Variants in HHIPL2 observed in about 807,000 individuals in gnomAD.
HHIPL2 encodes HHIP-like protein 2.
Under a neutral mutation model 61.0 loss-of-function variants are expected in HHIPL2, and 61 were observed. The ratio of observed to expected loss-of-function variants is 1.00; its 90% CI spans 0.81 to 1.24. The LOEUF (loss-of-function observed/expected upper bound fraction) is 1.24. Among genes scored for constraint, HHIPL2 ranks in the 50% most tolerant of loss-of-function variants. HHIPL2 has a pLI of 0.00. For synonymous variants in HHIPL2, 343 were observed against 357.4 expected, an observed-to-expected ratio of 0.96 and a Z score of 0.45; for missense variants, 885 against 910.2, an observed-to-expected ratio of 0.97 and a Z score of 0.36.
intron 5 of HHIPL2, among the ~76,000 whole-genome samples, chr1:222,533,248 C>T (rs944907087): frequency 1.8e-4 from 27 of 151,932 alleles, no homozygotes; most frequent in African/African-American, 6.3e-4. Context: ...GCCTGTAGTT[C>T]CAGCTGCTTG....
Position 222,522,714 on chromosome 1 carries a change from C to T in HHIPL2, c.2062G>A (p.Ala688Thr), listed in dbSNP as rs774049301. The change falls in exon 9 of 9, where the codon GCC becomes ACC. Residue 688 changes from alanine to threonine, a missense_variant. Ala to Thr is a moderately conservative substitution (Grantham distance 58). Coordinates refer to ENST00000343410, the MANE Select transcript of HHIPL2 (RefSeq NM_024746.4). ...TLRGPGTKKK[A>T]RVGPHVRQGK... ...TGGCGGACGTGGGGCCCCACTCTGG[C>T]TTTCTTCTTTGTACCAGGCCCTCGC... is the stretch of plus-strand genomic sequence containing the variant. The T allele has an allele frequency of 4.3e-6, 7 of 1,614,152 alleles. No individual in the cohort carries two copies. The highest frequency in any genetic ancestry group is 5.9e-6 in the Non-Finnish European group (7 of 1,180,026).
chr1:222,540,914 A>G (rs1468735648), intron 3 of HHIPL2, among the ~76,000 whole-genome samples: 1 of 152,198 alleles, frequency 6.6e-6, no homozygotes, highest in Non-Finnish European at 1.5e-5. Context: ...GGATCTAATG[A>G]ACACATGATA....
intron 6 of HHIPL2, among the ~76,000 whole-genome samples, chr1:222,527,569 T>C (rs968575342): frequency 3.9e-5 from 6 of 152,122 alleles, no homozygotes; most frequent in Non-Finnish European, 5.9e-5. Context: ...CCATTTCTCC[T>C]CTCGGTCTTT....
chr1:222,534,144 T>A (rs1659249179), intron 5 of HHIPL2, among the ~76,000 whole-genome samples: 1 of 152,186 alleles, frequency 6.6e-6, no homozygotes. Flanking sequence ...TAGCAAGACC[T>A]GAAAGAATCA....
At chr1:222,526,693 G>A (rs973790923) in intron 7 of HHIPL2, among the ~76,000 whole-genome samples, 6 of 101,546 alleles carry the variant, frequency 5.9e-5, no homozygotes, top group Non-Finnish European at 1.1e-4. Flanking sequence ...CAACAAGAGT[G>A]AAACTCCATC....
intron 4 of HHIPL2, among the ~76,000 whole-genome samples, chr1:222,539,527 TA>T (rs10537670): frequency 1.7e-3 from 141 of 85,158 alleles, no homozygotes; most frequent in Non-Finnish European, 2.5e-3. Flanking sequence ...AGACTCTGTC[TA>T]AAAAAAAAAA....
intron 6 of HHIPL2, among the ~76,000 whole-genome samples, chr1:222,529,235 T>C (rs1174517099): frequency 6.6e-6 from 1 of 152,198 alleles, no homozygotes; most frequent in African/African-American, 2.4e-5. Flanking sequence ...TAACAAACTA[T>C]GATTTGTGTA....
At position 222,542,153 on chromosome 1, in the gene HHIPL2, A is replaced by G; in HGVS notation, c.977T>C (p.Val326Ala). Residue 326 changes from valine to alanine, a missense_variant and splice_region_variant, in exon 3 of 9, where the codon GTC becomes GCC. Physicochemically the swap from Val to Ala is moderately conservative, Grantham distance 64 (BLOSUM62 0). Transcript: ENST00000343410. ...GGCTGGTTCTTCAATCTCCAAGATG[A>G]CCCTGGAAGAGAAAAAAGAAACCAC... is the stretch of plus-strand genomic sequence containing the variant. ...PNKADLKSER[V>A]ILEIEEPASN... The G allele has an allele frequency of 6.2e-7, 1 of 1,612,164 alleles. No homozygotes were observed. The highest frequency in any genetic ancestry group is 1.1e-5 in the South Asian group (1 of 90,606).
chr1:222,545,375 C>T (rs998900579), intron 1 of HHIPL2, among the ~76,000 whole-genome samples: 4 of 152,152 alleles, frequency 2.6e-5, no homozygotes, highest in South Asian at 2.1e-4. Context: ...TCTGATTGTA[C>T]GCTGCAGAGT....
chr1:222,540,956 G>T (rs61825521), intron 3 of HHIPL2, among the ~76,000 whole-genome samples: 6 of 151,976 alleles, frequency 3.9e-5, no homozygotes, highest in South Asian at 4.1e-4. Flanking sequence ...TAATATATTG[G>T]CCAGGTGCAG....
chr1:222,544,779 GTTAA>G (rs1359359220), intron 1 of HHIPL2, among the ~76,000 whole-genome samples: 3 of 152,182 alleles, frequency 2.0e-5, no homozygotes, highest in African/African-American at 7.2e-5. Flanking sequence ...GAGATACAGT[GTTAA>G]TTATTTTTCT....
At chr1:222,537,439 G>C (rs1659323434) in intron 5 of HHIPL2, among the ~76,000 whole-genome samples, 1 of 150,732 alleles carries the variant, frequency 6.6e-6, no homozygotes, top group African/African-American at 2.4e-5. Context: ...AAAAATAAGA[G>C]CAGGCTTCAA....
In HHIPL2 at chr1:222,544,018, C is replaced by A; in HGVS notation, c.493G>T (p.Gly165Cys). 6.2e-7 allele frequency: 1 copy of A among 1,614,010 alleles called. No individual in the cohort carries two copies. Among genetic ancestry groups the A allele is most frequent in the Non-Finnish European group, 8.5e-7 (1 of 1,180,010 alleles). The change falls in exon 2 of 9, where the codon GGT (glycine) becomes TGT (cysteine). Residue 165 changes from glycine (G) to cysteine (C), a missense_variant. Physicochemically the swap from Gly to Cys is radical, Grantham distance 159. Transcript: ENST00000343410. ...RGLQESHGRD[G>C]TRFCHLLDLP... is the part of the protein sequence containing the mutation. The stretch of plus-strand genomic sequence containing the variant: ...TCCAGGAGGTGGCAGAAGCGGGTAC[C>A]GTCCCTTCCATGAGACTCCTGGAGG...
At chr1:222,528,908 C>A (rs1270226489) in intron 6 of HHIPL2, among the ~76,000 whole-genome samples, 1 of 150,224 alleles carries the variant, frequency 6.7e-6, no homozygotes, top group Admixed American at 6.7e-5. Flanking sequence ...GTAGCCTCAA[C>A]CTCCTGGGCT....
At chr1:222,544,665 A>G (rs1571778947) in intron 1 of HHIPL2, among the ~76,000 whole-genome samples, 1 of 152,124 alleles carries the variant, frequency 6.6e-6, no homozygotes, top group African/African-American at 2.4e-5. Context: ...ATGTCGGCCC[A>G]GCCTCATTTT....
rs563970837 is a variant in HHIPL2, at chr1:222,537,720, C to CA, written c.1577+927dup. 3.8e-3 allele frequency among the ~76,000 whole-genome samples: 579 copies of CA among 151,198 alleles called. 1 individual carries two copies. The highest frequency in any genetic ancestry group is 7.0e-3 in the Non-Finnish European group (474 of 67,824). On this transcript the variant is annotated intron_variant, in intron 5 of 8. Transcript: ENST00000343410. ...CACATAGAAAATCCAGTAGAATCTACAAAAAAGCTATCAGAATGAACAAAG... is the reference window on the plus strand; with the variant it reads ...CACATAGAAAATCCAGTAGAATCTACAAAAAAAGCTATCAGAATGAACAAAG...
At chr1:222,530,905 G>C (rs754624388) in intron 6 of HHIPL2, among the ~76,000 whole-genome samples, 5 of 151,920 alleles carry the variant, frequency 3.3e-5, no homozygotes, top group Non-Finnish European at 7.4e-5. Flanking sequence ...ATACTGAAAA[G>C]TTCACTGTCC....
chr1:222,522,662 C>A lies in HHIPL2; in HGVS notation c.2114G>T (p.Ser705Ile), dbSNP rs61739371. The change falls in exon 9 of 9, where the codon AGC (serine) becomes ATC (isoleucine). Residue 705 changes from serine to isoleucine, a missense_variant. Coordinates refer to ENST00000343410, the MANE Select transcript of HHIPL2 (RefSeq NM_024746.4). ...RQGKRRKSLK[S>I]HSGRMRPSAE... is the part of the protein sequence containing the mutation. ...TGATGGCCTCATCCTGCCACTGTGGCTTTTCAGGCTCTTCCTCCTCTTGCC... is the reference window on the plus strand; with the variant it reads ...TGATGGCCTCATCCTGCCACTGTGGATTTTCAGGCTCTTCCTCCTCTTGCC... 4.3e-3 allele frequency: 6,899 copies of A among 1,614,186 alleles called. 241 individuals carry two copies. The African/African-American group carries it at 0.078, about 18-fold the overall frequency.
At chr1:222,528,006 T>C (rs1472827247) in intron 6 of HHIPL2, among the ~76,000 whole-genome samples, 1 of 152,162 alleles carries the variant, frequency 6.6e-6, no homozygotes, top group Non-Finnish European at 1.5e-5. Flanking sequence ...AACGGACTAA[T>C]ACACTCTTAG....
Sources: allele counts gnomAD v4.1 joint callset (sites outside exome capture counted in the v4.1 genomes callset), GRCh38; gene constraint gnomAD v4.1.1; transcripts MANE v1.5; gene names NCBI Gene and HGNC (gene_info 2026-07-23, HGNC 2026-07-21).